EPHA5: variants seen among roughly 807,000 people sequenced by gnomAD.
EPHA5 encodes EPH receptor A5, also known as ephrin type-A receptor 5.
EPHA5 carries 60 observed loss-of-function variants against 105.0 expected under a neutral mutation model. The observed-to-expected ratio is 0.57, with a 90% CI of 0.46 to 0.71. The LOEUF (loss-of-function observed/expected upper bound fraction) is 0.71, where lower values mean the gene tolerates loss of function less well. Ranked by LOEUF, EPHA5 falls within the 30% of genes least tolerant of loss-of-function variation. The pLI, the probability that EPHA5 is intolerant of heterozygous loss-of-function variation, is 0.00. For missense variants in EPHA5, 1,218 were observed against 1,274.7 expected (o/e 0.96, Z 0.68); for synonymous variants, 513 against 449.1 (o/e 1.14, Z -1.80).
intron 14 of EPHA5, among the ~76,000 whole-genome samples, chr4:65,344,204 G>A (rs1473362239): frequency 6.6e-6 from 1 of 152,166 alleles, no homozygotes; most frequent in Non-Finnish European, 1.5e-5. Context: ...GTTGCAGGCT[G>A]AGATGTAATT....
intron 2 of EPHA5, among the ~76,000 whole-genome samples, chr4:65,603,448 T>G (rs1743933650): frequency 6.6e-6 from 1 of 150,866 alleles, no homozygotes; most frequent in Non-Finnish European, 1.5e-5. Flanking sequence ...ATCCAGAATG[T>G]GTGATTTCAG....
intron 7 of EPHA5, among the ~76,000 whole-genome samples, chr4:65,409,364 A>AATAAATAAATAAATAC (rs1441673167): frequency 6.7e-6 from 1 of 149,914 alleles, no homozygotes; most frequent in African/African-American, 2.4e-5. Flanking sequence ...TAAATAAATA[A>AATAAATAAATAAATAC]ATAAATAAAA....
At chr4:65,489,794 ATATGGAATCTAGAAGTGTTTT>A (rs1478931745) in intron 5 of EPHA5, among the ~76,000 whole-genome samples, 1 of 152,202 alleles carries the variant, frequency 6.6e-6, no homozygotes, top group South Asian at 2.1e-4. Context: ...CAAAATTTCC[ATATGGAATCTAGAAGTGTTTT>A]CAGGTGGTTG....
intron 3 of EPHA5, among the ~76,000 whole-genome samples, chr4:65,576,187 G>A (rs1259722936): frequency 6.7e-6 from 1 of 148,414 alleles, no homozygotes; most frequent in East Asian, 2.0e-4. Context: ...AGGAAGGAAG[G>A]AAGGAAAATA....
At chr4:65,394,814 A>C (rs929891383) in intron 8 of EPHA5, among the ~76,000 whole-genome samples, 3 of 152,088 alleles carry the variant, frequency 2.0e-5, no homozygotes, top group African/African-American at 7.2e-5. Flanking sequence ...GCCTAGTAGG[A>C]AATGCTATGT....
chr4:65,621,302 A>G (rs985241681), intron 2 of EPHA5, among the ~76,000 whole-genome samples: 4 of 152,158 alleles, frequency 2.6e-5, no homozygotes, highest in Admixed American at 6.5e-5. Flanking sequence ...CAGAAGCAGC[A>G]TATGTCACTG....
intron 11 of EPHA5, among the ~76,000 whole-genome samples, chr4:65,354,825 TATA>T (rs554114531): frequency 1.3e-5 from 2 of 151,892 alleles, no homozygotes; most frequent in African/African-American, 4.8e-5. Flanking sequence ...ACTCACCGTT[TATA>T]ATAATAATAT....
intron 8 of EPHA5, among the ~76,000 whole-genome samples, chr4:65,380,739 A>T (rs1719477979): frequency 6.6e-6 from 1 of 151,836 alleles, no homozygotes; most frequent in Non-Finnish European, 1.5e-5. Context: ...TTAACAACAA[A>T]CGATGATATT....
intron 3 of EPHA5, among the ~76,000 whole-genome samples, chr4:65,517,712 G>A (rs11131599): frequency 0.17 from 25,800 of 151,550 alleles, 2,293 homozygotes; most frequent in East Asian, 0.2. Flanking sequence ...TTACTGATAT[G>A]TTATTCTTCA....
intron 3 of EPHA5, among the ~76,000 whole-genome samples, chr4:65,528,175 G>A (rs35800091): frequency 0.23 from 34,194 of 146,910 alleles, 3,911 homozygotes; most frequent in South Asian, 0.28. Flanking sequence ...TGCTGTAGAT[G>A]TTTGCAAAAT....
chr4:65,384,747 A>G (rs1311224597), intron 8 of EPHA5, among the ~76,000 whole-genome samples: 1 of 151,920 alleles, frequency 6.6e-6, no homozygotes, highest in Non-Finnish European at 1.5e-5. Context: ...CTAGTTCAAT[A>G]AAGGGAAAAT....
rs2149440895 is a variant in EPHA5, at chr4:65,602,135, C to T, written c.416G>A (p.Ser139Asn). 6.2e-7 allele frequency: 1 copy of T among 1,614,086 alleles called. No individual in the cohort carries two copies. The highest frequency in any genetic ancestry group is 8.5e-7 in the Non-Finnish European group (1 of 1,180,006). Residue 139 changes from serine (S) to asparagine (N), a missense_variant, in exon 3 of 17, where the codon AGC (serine) becomes AAC (asparagine). Physicochemically the swap from Ser to Asn is conservative, Grantham distance 46. Around this residue, in one of 3 missense-constraint regions of EPHA5, gnomAD observed 233 missense variants for 227.5 expected, o/e 1.02. Coordinates refer to ENST00000613740, the MANE Select transcript of EPHA5 (RefSeq NM_001281766.3). ...ACAGGTCCCCAGTCCTCCAGGAAGG[C>T]TGTTGCAGTCCCGCAGGGTAAATTT... ...ELKFTLRDCN[S>N]LPGGLGTCKE...
At chr4:65,433,445 A>G (rs1354077376) in intron 5 of EPHA5, among the ~76,000 whole-genome samples, 1 of 152,200 alleles carries the variant, frequency 6.6e-6, no homozygotes, top group Non-Finnish European at 1.5e-5. Flanking sequence ...CAGAACATGC[A>G]TAGTTAAAAT....
intron 3 of EPHA5, among the ~76,000 whole-genome samples, chr4:65,535,183 C>T (rs1736176568): frequency 6.6e-6 from 1 of 152,030 alleles, no homozygotes; most frequent in Non-Finnish European, 1.5e-5. Flanking sequence ...TATAATTCAC[C>T]ATGGGATCTT....
intron 3 of EPHA5, among the ~76,000 whole-genome samples, chr4:65,545,296 CT>C (rs1737265531): frequency 6.6e-6 from 1 of 151,796 alleles, no homozygotes; most frequent in Non-Finnish European, 1.5e-5. Context: ...ACAGAATCAC[CT>C]ACTAAAAGTA....
intron 1 of EPHA5, among the ~76,000 whole-genome samples, chr4:65,647,219 C>T (rs1409083004): frequency 6.7e-6 from 1 of 150,040 alleles, no homozygotes; most frequent in African/African-American, 2.5e-5. Context: ...GTCCCAGCTA[C>T]TCATGAGGCT....
intron 8 of EPHA5, among the ~76,000 whole-genome samples, chr4:65,392,923 C>T (rs544999784): frequency 9.9e-5 from 15 of 152,108 alleles, no homozygotes; most frequent in East Asian, 5.8e-4. Context: ...TACTTACTGG[C>T]CGGCAGAAGA....
At chr4:65,515,775 G>C (rs1204215625) in intron 3 of EPHA5, among the ~76,000 whole-genome samples, 1 of 152,246 alleles carries the variant, frequency 6.6e-6, no homozygotes, top group Non-Finnish European at 1.5e-5. Context: ...GTGTCTGTGA[G>C]GGTGTTTCCA....
At chr4:65,564,919 A>T (rs1171218132) in intron 3 of EPHA5, among the ~76,000 whole-genome samples, 1 of 151,708 alleles carries the variant, frequency 6.6e-6, no homozygotes, top group Non-Finnish European at 1.5e-5. Context: ...TTTCACTGTT[A>T]ATTTATGACC....
Sources: allele counts gnomAD v4.1 joint callset (sites outside exome capture counted in the v4.1 genomes callset), GRCh38; gene constraint gnomAD v4.1.1; regional missense constraint gnomAD v4.1.1; transcripts MANE v1.5; gene names NCBI Gene and HGNC (gene_info 2026-07-23, HGNC 2026-07-21).